The following STAT3 variants were observed in gnomAD, a reference collection of about 807,000 sequenced individuals.
STAT3 encodes the protein signal transducer and activator of transcription 3, also known as DNA-binding protein APRF.
STAT3 carries 7 observed loss-of-function variants against 114.3 expected under a neutral mutation model. The ratio of observed to expected loss-of-function variants is 0.06; its 90% confidence interval spans 0.03 to 0.11. The LOEUF is 0.11. STAT3 is among the 10% of genes least tolerant of loss of function. STAT3 has a pLI of 1.00. For synonymous variants in STAT3, 331 were observed against 354.5 expected, an observed-to-expected ratio of 0.93 and a Z score of 0.74; for missense variants, 364 against 960.9, an observed-to-expected ratio of 0.38 and a Z score of 8.21.
intron 22 of STAT3, 38 bp from the exon 23 acceptor site, chr17:42,316,939 G>T (rs2081276462): frequency 1.9e-6 from 3 of 1,597,024 alleles, no homozygotes; most frequent in African/African-American, 1.4e-5. Context: ...GGAAACGGGG[G>T]GTTGACAAGA....
chr17:42,374,574 C>T (rs529549448), intron 1 of STAT3, among the ~76,000 whole-genome samples: 79 of 142,166 alleles, frequency 5.6e-4, no homozygotes, highest in Non-Finnish European at 1.8e-4. Flanking sequence ...CGTGCCATTG[C>T]ACTCCAGCCT....
Position 42,385,369 on chromosome 17 carries a change from C to A in STAT3, c.-24+2910G>T, listed in dbSNP as rs1039822863. Among the ~76,000 whole-genome samples, 4 of 151,852 alleles carry A rather than the reference C, an allele frequency of 2.6e-5. No homozygotes were observed. In the East Asian group the frequency reaches 5.8e-4, roughly 22 times the overall value. ...ACTAAAAATACAAAAATTAGCCGGG[C>A]GTAGTGGCGGGCACCTGTAATCCCA... On this transcript the variant is annotated intron_variant, in intron 1 of 23. Transcript: ENST00000264657.
chr17:42,376,363 T>C (rs2084459190), intron 1 of STAT3, among the ~76,000 whole-genome samples: 1 of 151,916 alleles, frequency 6.6e-6, no homozygotes. Context: ...TTAATGATTA[T>C]TAATGAAACC....
intron 1 of STAT3, among the ~76,000 whole-genome samples, chr17:42,378,110 T>A (rs964443890): frequency 6.9e-6 from 1 of 144,240 alleles, no homozygotes. Context: ...CTCAGCCTCC[T>A]GAGTAGCTGG....
chr17:42,345,531 C>T (rs760604716), intron 4 of STAT3, 28 bp downstream of exon 4: 18 of 1,571,244 alleles, frequency 1.1e-5, no homozygotes, highest in Non-Finnish European at 1.5e-5. Flanking sequence ...CCTCCCAGAC[C>T]AGGGATTTGT....
intron 15 of STAT3, 58 bp from the exon 16 acceptor site, chr17:42,325,119 A>T: frequency 6.6e-7 from 1 of 1,522,854 alleles, no homozygotes; most frequent in Admixed American, 1.7e-5. Flanking sequence ...AGCCTTGGAA[A>T]TCTCTTCACC....
At chr17:42,364,598 T>G (rs113366589) in intron 1 of STAT3, among the ~76,000 whole-genome samples, 8,564 of 152,282 alleles carry the variant, frequency 0.056, 326 homozygotes, top group Middle Eastern at 0.13. Context: ...TTCTCTTACC[T>G]CAGCCTCCCA....
intron 4 of STAT3, 27 bp from the exon 5 acceptor site, chr17:42,339,436 G>A (rs768390887): frequency 6.2e-7 from 1 of 1,608,554 alleles, no homozygotes; most frequent in Admixed American, 1.7e-5. Context: ...CAATGCACAT[G>A]TGAACACAGA....
Position 42,333,864 on chromosome 17 carries a change from G to A in STAT3, c.956+27C>T, listed in dbSNP as rs768559023. On this transcript the variant is annotated intron_variant, in intron 9 of 23. Coordinates refer to ENST00000264657, the MANE Select transcript of STAT3 (RefSeq NM_139276.3). This position sits in a 1 kb window ranked among gnomAD's most constrained non-coding sequence, Gnocchi z 5.2. Reference sequence around the variant, plus strand: ...GAGTCTTTAGGTATTTTTTAGATGAGGGAAAGGGACAAGGATGCTAAATTA... The same window carrying A: ...GAGTCTTTAGGTATTTTTTAGATGAAGGAAAGGGACAAGGATGCTAAATTA... The A allele has an allele frequency of 2.5e-6, 4 of 1,614,138 alleles. No homozygotes were observed. The highest frequency in any genetic ancestry group is 3.4e-6 in the Non-Finnish European group (4 of 1,180,030).
intron 4 of STAT3, chr17:42,345,310 A>G (rs912653932): frequency 6.6e-5 from 32 of 485,764 alleles, no homozygotes; most frequent in Non-Finnish European, 1.0e-4. Flanking sequence ...TCAGAACAAA[A>G]CAAAACTTTT....
intron 21 of STAT3, among the ~76,000 whole-genome samples, chr17:42,320,615 A>G (rs2081430744): frequency 6.6e-6 from 1 of 151,788 alleles, no homozygotes; most frequent in Admixed American, 6.6e-5. Context: ...CCATAATCCC[A>G]GCTACTCGGG....
intron 1 of STAT3, among the ~76,000 whole-genome samples, chr17:42,351,907 C>T (rs2082980619): frequency 6.6e-6 from 1 of 152,010 alleles, no homozygotes; most frequent in African/African-American, 2.4e-5. Flanking sequence ...TATAGGCACG[C>T]ACCACCATGC....
chr17:42,380,576 G>C (rs939900886), intron 1 of STAT3, among the ~76,000 whole-genome samples: 1 of 147,790 alleles, frequency 6.8e-6, no homozygotes, highest in South Asian at 2.2e-4. Flanking sequence ...GTAGAGACGG[G>C]GGGGGTCTCA....
intron 1 of STAT3, among the ~76,000 whole-genome samples, chr17:42,360,327 C>G (rs1334839421): frequency 6.6e-6 from 1 of 151,484 alleles, no homozygotes; most frequent in East Asian, 2.0e-4. Flanking sequence ...CCCACCGTAC[C>G]CAGCTACTAC....
chr17:42,388,242 A>G, intron 1 of STAT3, 37 bp downstream of exon 1: 1 of 1,231,408 alleles, frequency 8.1e-7, no homozygotes, highest in Non-Finnish European at 1.0e-6. Context: ...CCGGGTCCCC[A>G]GGCCTCCCCA....
intron 1 of STAT3, among the ~76,000 whole-genome samples, chr17:42,357,575 G>A (rs2083288968): frequency 6.6e-6 from 1 of 152,124 alleles, no homozygotes; most frequent in Non-Finnish European, 1.5e-5. Context: ...GGGAGGCTGA[G>A]GCAGGAGAAT....
At chr17:42,327,357 C>T (rs2081774615) in intron 14 of STAT3, among the ~76,000 whole-genome samples, 3 of 152,164 alleles carry the variant, frequency 2.0e-5, no homozygotes, top group African/African-American at 7.2e-5. Context: ...ATTTGTGAAC[C>T]TTACACTTAT....
At position 42,313,800 on chromosome 17, in the gene STAT3, T is replaced by C. The variant is rs2081158769; in HGVS notation, c.*1945A>G. The C allele has an allele frequency of 4.3e-6, 1 of 232,804 alleles. No homozygotes were observed. Among genetic ancestry groups the C allele is most frequent in the East Asian group, 6.0e-5 (1 of 16,582 alleles). The allele number at this position is 232,804 out of a possible 1,614,324, so 14.4% of individuals were successfully genotyped here. A position where few individuals can be genotyped will look rare whatever the true frequency, so the allele number is the denominator to read the frequency against. On this transcript the variant is annotated 3_prime_UTR_variant, in exon 24 of 24. Coordinates refer to ENST00000264657, the MANE Select transcript of STAT3 (RefSeq NM_139276.3). ...TATTCTGTTTATCAGTTAAGCTTAT[T>C]ATGTACTGAAGAGTGTTGCTGGAGA... is the stretch of plus-strand genomic sequence containing the variant.
intron 21 of STAT3, among the ~76,000 whole-genome samples, chr17:42,318,682 G>C (rs1759191073): frequency 6.6e-6 from 1 of 152,140 alleles, no homozygotes; most frequent in Admixed American, 6.5e-5. Flanking sequence ...GGTGAGGTGG[G>C]CTGAGAACAG....
Sources: allele counts gnomAD v4.1 joint callset (sites outside exome capture counted in the v4.1 genomes callset), GRCh38; gene constraint gnomAD v4.1.1; non-coding constraint Gnocchi (gnomAD v3.1); transcripts MANE v1.5; gene names NCBI Gene and HGNC (gene_info 2026-07-23, HGNC 2026-07-21).